Variants in TNK2 observed in about 807,000 individuals in gnomAD.
The protein encoded by TNK2 is activated CDC42 kinase 1.
A neutral mutation model predicts 101.8 loss-of-function variants in TNK2; 83 were observed. The observed-to-expected ratio is 0.82, with a 90% confidence interval of 0.68 to 0.98. The LOEUF (loss-of-function observed/expected upper bound fraction) is 0.98. Among genes scored for constraint, TNK2 ranks in the 50% least tolerant of loss-of-function variants. The pLI is 0.00. For missense variants in TNK2, 1,665 were observed against 1,483.2 expected (o/e 1.12, Z -2.01); for synonymous variants, 804 against 633.0 (o/e 1.27, Z -4.06).
At position 195,868,040 on chromosome 3, in the gene TNK2, T is replaced by C; in HGVS notation, c.2258A>G (p.Gln753Arg). The change falls in exon 13 of 16, where the codon CAG (glutamine) becomes CGG (arginine). Residue 753 changes from glutamine to arginine, a missense_variant. This residue lies in a region of TNK2 where 1,136 missense variants were observed against 894.9 expected (regional missense o/e 1.27). Transcript: ENST00000672887. Reference protein sequence around the residue: ...SPSPGGDDKPQVPPRVPIPPR... With the variant: ...SPSPGGDDKPRVPPRVPIPPR... ...GGGGATGGGTACCCGAGGAGGCACC[T>C]GGGGCTTGTCGTCACCCCCCGGGCT... 6.3e-7 allele frequency: 1 copy of C among 1,595,052 alleles called. No homozygotes were observed. Among genetic ancestry groups the C allele is most frequent in the Non-Finnish European group, 8.5e-7 (1 of 1,174,498 alleles).
In TNK2 at chr3:195,878,242, G is replaced by A. The variant is rs1454595499; in HGVS notation, c.1256+11C>T. ...CGATCCCAGGGCGGGGCCCAGCCCT[G>A]CACTCCCTACCTTCCCTCGATGACG... is the stretch of plus-strand genomic sequence containing the variant. On this transcript the variant is annotated intron_variant, in intron 9 of 15. Coordinates refer to ENST00000672887, the MANE Select transcript of TNK2 (RefSeq NM_001382273.1). This position sits in a 1 kb window ranked among gnomAD's most constrained non-coding sequence, Gnocchi z 4.7. The A allele has an allele frequency of 1.2e-5, 19 of 1,613,230 alleles. No individual in the cohort carries two copies. The highest frequency in any genetic ancestry group is 1.5e-5 in the Non-Finnish European group (18 of 1,179,468).
intron 4 of TNK2, 173 bp downstream of exon 4, chr3:195,884,639 A>G (rs1341409178): frequency 3.3e-6 from 2 of 612,658 alleles, no homozygotes; most frequent in East Asian, 2.9e-5. Flanking sequence ...GCGAGACTCC[A>G]TCTCAAAAAT....
rs202157460 is a variant in TNK2, at chr3:195,867,659, C to T, written c.2639G>A (p.Arg880Gln). The T allele has an allele frequency of 9.8e-5, 157 of 1,604,984 alleles. No individual in the cohort carries two copies. The highest frequency in any genetic ancestry group is 6.7e-5 in the East Asian group (3 of 44,856). ...SSTHYYLLPE[R>Q]PSYLERYQRF... ...CTGGTAGCGCTCCAGGTAGGATGGT[C>T]GCTCGGGCAGCAAGTAATAGTGGGT... Residue 880 changes from arginine to glutamine, a missense_variant, in exon 13 of 16, where the codon CGA becomes CAA. Coordinates refer to ENST00000672887, the MANE Select transcript of TNK2 (RefSeq NM_001382273.1).
At chr3:195,893,646 C>T (rs936890693) in intron 1 of TNK2, among the ~76,000 whole-genome samples, 12 of 151,860 alleles carry the variant, frequency 7.9e-5, no homozygotes, top group Non-Finnish European at 1.6e-4. Context: ...ACACCCCCCT[C>T]GCTACGGCCC....
intron 15 of TNK2, among the ~76,000 whole-genome samples, chr3:195,865,435 C>T (rs900861199): frequency 1.4e-5 from 2 of 140,440 alleles, no homozygotes; most frequent in Admixed American, 1.5e-4. Flanking sequence ...TTAAGAATGA[C>T]CCGAGACAGG....
chr3:195,868,355 G>T lies in TNK2; in HGVS notation c.1943C>A (p.Pro648His). The T allele has an allele frequency of 6.3e-7, 1 of 1,599,040 alleles. No individual in the cohort carries two copies. Reference sequence around the variant, plus strand: ...ATCCTGGGCCACGTCGTCATAGGCGGGCGGGGGGGGCAGCGGGCGTGCGTC... The same window carrying T: ...ATCCTGGGCCACGTCGTCATAGGCGTGCGGGGGGGGCAGCGGGCGTGCGTC... ...DWDARPLPPP[P>H]AYDDVAQDED... The change falls in exon 13 of 16, where the codon CCC (proline) becomes CAC (histidine). Residue 648 changes from proline (P) to histidine (H), a missense_variant. This residue lies in a region of TNK2 where 1,136 missense variants were observed against 894.9 expected (regional missense o/e 1.27). Transcript: ENST00000672887.
At chr3:195,874,173 C>A (rs1172163004) in intron 9 of TNK2, among the ~76,000 whole-genome samples, 1 of 152,204 alleles carries the variant, frequency 6.6e-6, no homozygotes, top group Non-Finnish European at 1.5e-5. Flanking sequence ...GCTCTCCACA[C>A]CTCTTCAGAG....
intron 9 of TNK2, among the ~76,000 whole-genome samples, chr3:195,876,971 G>T (rs1749746466): frequency 6.6e-6 from 1 of 152,194 alleles, no homozygotes; most frequent in Admixed American, 6.5e-5. Flanking sequence ...TCCGGCAGCA[G>T]CACAAGAGGG....
chr3:195,879,653 C>T (rs1481521831), intron 6 of TNK2, among the ~76,000 whole-genome samples: 2 of 152,184 alleles, frequency 1.3e-5, no homozygotes, highest in Non-Finnish European at 2.9e-5. Context: ...CACCCAAATA[C>T]ACCCATTCGT....
At position 195,867,160 on chromosome 3, in the gene TNK2, T is replaced by A; in HGVS notation, c.3033+9A>T. 6.2e-7 allele frequency: 1 copy of A among 1,612,102 alleles called. No homozygotes were observed. Among genetic ancestry groups the A allele is most frequent in the Non-Finnish European group, 8.5e-7 (1 of 1,179,660 alleles). On this transcript the variant is annotated intron_variant, in intron 14 of 15. Transcript: ENST00000672887. ...CCTGAGAGCCAGAGTGAGCAGGAGG[T>A]GGCGGTACCTTCAGATACTGGGCAG...
At chr3:195,904,412 G>A (rs1244740361) in intron 1 of TNK2, among the ~76,000 whole-genome samples, 1 of 152,116 alleles carries the variant, frequency 6.6e-6, no homozygotes, top group African/African-American at 2.4e-5. Flanking sequence ...ACGCTAGGCC[G>A]AGGTGAAATA....
In TNK2 at chr3:195,882,931, C is replaced by T. The variant is rs892899750; in HGVS notation, c.609+226G>A. 6.6e-6 allele frequency among the ~76,000 whole-genome samples: 1 copy of T among 152,288 alleles called. No homozygotes were observed. Among genetic ancestry groups the T allele is most frequent in the African/African-American group, 2.4e-5 (1 of 41,546 alleles). On this transcript the variant is annotated intron_variant, in intron 5 of 15. Transcript: ENST00000672887. The surrounding 1 kb of genome is among the most constrained non-coding windows in gnomAD (Gnocchi z 4.2). ...GCCAGCCCCTCCCATGGGAGTAACT[C>T]TCTTGACACTGAGCACCAGCAAAAT... is the stretch of plus-strand genomic sequence containing the variant.
At chr3:195,868,939 C>T (rs530313973) in intron 12 of TNK2, 2 of 561,010 alleles carry the variant, frequency 3.6e-6, no homozygotes, top group South Asian at 4.6e-5. Context: ...GGCCGGTGAG[C>T]CCCGCCTCGC....
chr3:195,882,003 G>A lies in TNK2; in HGVS notation c.887+48C>T, dbSNP rs1342464469. 6.4e-7 allele frequency: 1 copy of A among 1,572,000 alleles called. No homozygotes were observed. The highest frequency in any genetic ancestry group is 8.6e-7 in the Non-Finnish European group (1 of 1,156,328). ...GTCCAGAAAGCCCCAGAAGCTTTGA[G>A]GCCTGGGTCTGCAGGGACTCTGTGA... On this transcript the variant is annotated intron_variant, in intron 6 of 15. Coordinates refer to ENST00000672887, the MANE Select transcript of TNK2 (RefSeq NM_001382273.1). The surrounding 1 kb of genome is among the most constrained non-coding windows in gnomAD (Gnocchi z 4.2).
intron 10 of TNK2, among the ~76,000 whole-genome samples, chr3:195,871,218 CG>C (rs1745092548): frequency 6.6e-6 from 1 of 152,074 alleles, no homozygotes. Context: ...GGTGGCATCC[CG>C]GAAGTGACTG....
chr3:195,882,357 G>T lies in TNK2; in HGVS notation c.610-29C>A. ...AGGCCACGGAGGAGGCAGGAGGAAT[G>T]AGCTGGAGGACCCTGCCCCTTCTCA... On this transcript the variant is annotated intron_variant, in intron 5 of 15. Transcript: ENST00000672887. This position sits in a 1 kb window ranked among gnomAD's most constrained non-coding sequence, Gnocchi z 4.2. 2.5e-6 allele frequency: 4 copies of T among 1,606,860 alleles called. No homozygotes were observed. Among genetic ancestry groups the T allele is most frequent in the Non-Finnish European group, 3.4e-6 (4 of 1,174,844 alleles).
chr3:195,878,560 C>T lies in TNK2; in HGVS notation c.1047G>A (p.Arg349=). 1 of 1,613,456 alleles carries T rather than the reference C, an allele frequency of 6.2e-7. No individual in the cohort carries two copies. The highest frequency in any genetic ancestry group is 8.5e-7 in the Non-Finnish European group (1 of 1,179,976). ...ILHKIDKEGE[R]LPRPEDCPQD... is the part of the protein sequence containing the mutation. ...GGGGACAGTCCTCGGGCCGGGGCAG[C>T]CGCTCCCCCTCCTTGTCGATCTTAT... Residue 349 remains arginine (R), a synonymous_variant, in exon 8 of 16, where the codon CGG becomes CGA. Transcript: ENST00000672887. The surrounding 1 kb of genome is among the most constrained non-coding windows in gnomAD (Gnocchi z 4.7).
In TNK2 at chr3:195,886,999, T is replaced by C. The variant is rs56036945; in HGVS notation, c.212A>G (p.Lys71Arg). 5.0e-6 allele frequency: 8 copies of C among 1,614,148 alleles called. No homozygotes were observed. In the East Asian group the frequency reaches 1.6e-4, roughly 31 times the overall value. Residue 71 changes from lysine to arginine, a missense_variant, in exon 3 of 16, where the codon AAA becomes AGA. Around this residue, in one of 3 missense-constraint regions of TNK2, gnomAD observed 490 missense variants for 522.5 expected, o/e 0.94. Transcript: ENST00000672887. The surrounding 1 kb of genome is among the most constrained non-coding windows in gnomAD (Gnocchi z 4.2). Reference sequence around the variant, plus strand: ...CACCTTACTCATCCACGACTTGCGTTTGCACAAGGCCTTCCTCCTCTTCAC... The same window carrying C: ...CACCTTACTCATCCACGACTTGCGTCTGCACAAGGCCTTCCTCCTCTTCAC... The part of the protein sequence containing the change: ...EAVKRRKALC[K>R]RKSWMSKVFS...
intron 1 of TNK2, chr3:195,895,414 C>T (rs1313722201): frequency 3.3e-6 from 5 of 1,528,738 alleles, no homozygotes; most frequent in African/African-American, 2.9e-5. Context: ...GGGCCTCGAG[C>T]ATCCTCCAGA....
Sources: allele counts gnomAD v4.1 joint callset (sites outside exome capture counted in the v4.1 genomes callset), GRCh38; gene constraint gnomAD v4.1.1; regional missense constraint gnomAD v4.1.1; non-coding constraint Gnocchi (gnomAD v3.1); transcripts MANE v1.5; gene names NCBI Gene and HGNC (gene_info 2026-07-23, HGNC 2026-07-21).